Variants in SRC observed in about 807,000 individuals in gnomAD.
SRC encodes proto-oncogene tyrosine-protein kinase Src.
SRC carries 13 observed loss-of-function variants against 62.9 expected under a neutral mutation model. The observed-to-expected ratio is 0.21, with a 90% CI of 0.13 to 0.33. SRC has a LOEUF of 0.33. SRC is among the 10% of genes least tolerant of loss of function. The pLI is 1.00. For missense variants in SRC, 457 were observed against 737.3 expected (o/e 0.62, Z 4.40); for synonymous variants, 302 against 317.5 (o/e 0.95, Z 0.52).
rs1465111504 is a variant in SRC at position 37,367,255 on chromosome 20, A to T, written c.-173+1978A>T. 1.8e-4 allele frequency among the ~76,000 whole-genome samples: 26 copies of T among 141,414 alleles called. No homozygotes were observed. In the East Asian group the frequency reaches 2.0e-3, roughly 11 times the overall value. 92.8% of individuals were successfully genotyped at this position (141,414 alleles called of 152,430 possible). Reference sequence around the variant, plus strand: ...GCCTGGCTAATTTTTTTTTTTTTTTAAATTTGTGGAGATGGGGTCTCACCG... The same window carrying T: ...GCCTGGCTAATTTTTTTTTTTTTTTTAATTTGTGGAGATGGGGTCTCACCG... On this transcript the variant is annotated intron_variant, in intron 2 of 13. Coordinates refer to ENST00000373578, the MANE Select transcript of SRC (RefSeq NM_198291.3).
rs1600943625 is a variant in SRC, at chr20:37,346,484, G to C, written c.-247+229G>C. ...ATGCAGCGGGGGGAGGGGGCTGGGC[G>C]GGGGGGGCGCAGGGTTCCTGGCTGC... On this transcript the variant is annotated intron_variant, in intron 1 of 13. Coordinates refer to ENST00000373578, the MANE Select transcript of SRC (RefSeq NM_198291.3). 4.0e-5 allele frequency among the ~76,000 whole-genome samples: 6 copies of C among 151,130 alleles called. No individual in the cohort carries two copies. In the South Asian group the frequency reaches 1.3e-3, roughly 32 times the overall value.
In SRC at chr20:37,401,163, C is replaced by CT. The variant is rs111872140; in HGVS notation, c.1040-429dup. Reference sequence around the variant, plus strand: ...AGGTGCACAACATCCTGCCCAGCTACTTTTTTTTTTCGTATTTTTTGTACA... The same window carrying CT: ...AGGTGCACAACATCCTGCCCAGCTACTTTTTTTTTTTCGTATTTTTTGTACA... On this transcript the variant is annotated intron_variant, in intron 10 of 13. Transcript: ENST00000373578. 1.0e-3 allele frequency among the ~76,000 whole-genome samples: 154 copies of CT among 149,682 alleles called. 2 individuals carry two copies. The highest frequency in any genetic ancestry group is 8.3e-3 in the Admixed American group (125 of 14,990).
chr20:37,349,917 A>G (rs925672957), intron 1 of SRC, among the ~76,000 whole-genome samples: 3 of 152,164 alleles, frequency 2.0e-5, no homozygotes, highest in Non-Finnish European at 2.9e-5. Flanking sequence ...TCCGGTTGTA[A>G]GTACTAAGAC....
At chr20:37,368,803 G>A (rs1377647243) in intron 2 of SRC, among the ~76,000 whole-genome samples, 17 of 151,582 alleles carry the variant, frequency 1.1e-4, no homozygotes, top group Non-Finnish European at 7.4e-5. Flanking sequence ...CGCCCGCCTC[G>A]GCCTCCCAAA....
chr20:37,390,863 C>T (rs1370740609), intron 5 of SRC, among the ~76,000 whole-genome samples: 1 of 152,196 alleles, frequency 6.6e-6, no homozygotes, highest in East Asian at 1.9e-4. Context: ...CCCATTCCCT[C>T]AGACCCCTCT....
At chr20:37,345,251 G>C (rs2069701019), upstream of SRC, among the ~76,000 whole-genome samples, 1 of 152,144 alleles carries the variant, frequency 6.6e-6, no homozygotes, top group South Asian at 2.1e-4. Flanking sequence ...AGGGTGGGGT[G>C]CCCAGCCCCA....
chr20:37,375,800 T>C (rs1342438139), intron 2 of SRC, among the ~76,000 whole-genome samples: 3 of 152,198 alleles, frequency 2.0e-5, no homozygotes, highest in Non-Finnish European at 4.4e-5. Flanking sequence ...ACCATGAACA[T>C]TTATTTCTCA....
rs1346439961 is a variant in SRC, at chr20:37,384,831, GC to G, written c.250+431del. ...CGGGGCACCGGATGGCCCCGGTTGGGCCCGCGCCAGGATGCGCCCCTGCGCC... is the reference window on the plus strand; with the variant it reads ...CGGGGCACCGGATGGCCCCGGTTGGGCCGCGCCAGGATGCGCCCCTGCGCC... On this transcript the variant is annotated intron_variant, in intron 4 of 13. Coordinates refer to ENST00000373578, the MANE Select transcript of SRC (RefSeq NM_198291.3). This position sits in a 1 kb window ranked among gnomAD's most constrained non-coding sequence, Gnocchi z 6.7. 6.6e-6 allele frequency among the ~76,000 whole-genome samples: 1 copy of G among 152,202 alleles called. No individual in the cohort carries two copies. Among genetic ancestry groups the G allele is most frequent in the Non-Finnish European group, 1.5e-5 (1 of 68,028 alleles).
chr20:37,373,485 A>T (rs186214438), intron 2 of SRC, among the ~76,000 whole-genome samples: 226 of 147,436 alleles, frequency 1.5e-3, no homozygotes, highest in East Asian at 2.5e-3. Flanking sequence ...ACATATATAT[A>T]TTTTTTGTGG....
At chr20:37,357,893 C>T (rs1192019512) in intron 1 of SRC, among the ~76,000 whole-genome samples, 1 of 152,108 alleles carries the variant, frequency 6.6e-6, no homozygotes, top group Non-Finnish European at 1.5e-5. Context: ...GGCCCTGAGG[C>T]AGGAGTGTGC....
In SRC at chr20:37,405,989, G is replaced by A. The variant is rs1194819627; in HGVS notation, c.*2610G>A. ...CAAATATACATCAGATCACACACCT[G>A]TGCACCGGAGTCAACTCTGGCCACG... On this transcript the variant is annotated 3_prime_UTR_variant, in exon 14 of 14. Transcript: ENST00000373578. 1 of 152,208 alleles carries A rather than the reference G, an allele frequency of 6.6e-6. No homozygotes were observed. The highest frequency in any genetic ancestry group is 1.5e-5 in the Non-Finnish European group (1 of 68,046). 9.4% of individuals were successfully genotyped at this position (152,208 alleles called of 1,614,324 possible). A position where few individuals can be genotyped will look rare whatever the true frequency, so the allele number is the denominator to read the frequency against.
chr20:37,345,516 C>T (rs555069651), upstream of SRC, among the ~76,000 whole-genome samples: 9 of 152,260 alleles, frequency 5.9e-5, no homozygotes, highest in South Asian at 1.9e-3. Context: ...AAAATGAACC[C>T]GTAACTATTA....
intron 11 of SRC, chr20:37,401,898 A>C: frequency 2.2e-6 from 1 of 460,738 alleles, no homozygotes; most frequent in Non-Finnish European, 3.8e-6. Context: ...ATCAGGGGTC[A>C]CTGACTTACT....
Position 37,403,509 on chromosome 20 carries a change from C to T in SRC, c.*130C>T. ...TGGGGCTGAATTGCCAGGGGCGAGGCCCTTCCTCTTTGGTGGCATGGAAGG... is the reference window on the plus strand; with the variant it reads ...TGGGGCTGAATTGCCAGGGGCGAGGTCCTTCCTCTTTGGTGGCATGGAAGG... On this transcript the variant is annotated 3_prime_UTR_variant, in exon 14 of 14. Transcript: ENST00000373578. The surrounding 1 kb of genome is among the most constrained non-coding windows in gnomAD (Gnocchi z 7.1). 9.0e-7 allele frequency: 1 copy of T among 1,107,464 alleles called. No homozygotes were observed. Among genetic ancestry groups the T allele is most frequent in the Non-Finnish European group, 1.3e-6 (1 of 795,092 alleles). 68.6% of individuals were successfully genotyped at this position (1,107,464 alleles called of 1,614,324 possible).
chr20:37,365,082 AG>A (rs1265690087), intron 1 of SRC, 121 bp from the exon 2 acceptor site: 2 of 152,160 alleles, frequency 1.3e-5, no homozygotes, highest in Non-Finnish European at 2.9e-5. Context: ...AATGGCAAAC[AG>A]GGACTGTGCA....
At chr20:37,389,066 A>T (rs1179479895) in intron 5 of SRC, among the ~76,000 whole-genome samples, 1 of 151,980 alleles carries the variant, frequency 6.6e-6, no homozygotes, top group Non-Finnish European at 1.5e-5. Flanking sequence ...CCGTCTGTGG[A>T]TGGGGTCTGG....
chr20:37,402,355 C>T lies in SRC; in HGVS notation c.1117-80C>T. On this transcript the variant is annotated intron_variant, in intron 11 of 13. Coordinates refer to ENST00000373578, the MANE Select transcript of SRC (RefSeq NM_198291.3). The surrounding 1 kb of genome is among the most constrained non-coding windows in gnomAD (Gnocchi z 6.2). Reference sequence around the variant, plus strand: ...GGGAGGGTGGGGAAGGGGTGGTTGGCTCTCCAGCCCCAGAGTGCTCTGTGG... The same window carrying T: ...GGGAGGGTGGGGAAGGGGTGGTTGGTTCTCCAGCCCCAGAGTGCTCTGTGG... 6.5e-7 allele frequency: 1 copy of T among 1,542,658 alleles called. No homozygotes were observed.
chr20:37,356,169 C>T (rs2069878942), intron 1 of SRC, among the ~76,000 whole-genome samples: 1 of 152,054 alleles, frequency 6.6e-6, no homozygotes, highest in African/African-American at 2.4e-5. Context: ...GGAGGAGGTA[C>T]CCTGACTTAC....
In SRC at chr20:37,397,687, C is replaced by A; in HGVS notation, c.704-12C>A. 1 of 1,548,798 alleles carries A rather than the reference C, an allele frequency of 6.5e-7. No individual in the cohort carries two copies. Among genetic ancestry groups the A allele is most frequent in the South Asian group, 1.2e-5 (1 of 81,630 alleles). On this transcript the variant is annotated splice_polypyrimidine_tract_variant and intron_variant, in intron 8 of 13. Coordinates refer to ENST00000373578, the MANE Select transcript of SRC (RefSeq NM_198291.3). The surrounding 1 kb of genome is among the most constrained non-coding windows in gnomAD (Gnocchi z 4.1). The stretch of plus-strand genomic sequence containing the variant: ...AAGACCCGCCTAACTGCTCCTCCTG[C>A]CTCCTCCTCAGAACACGCCGATGGC...
Sources: allele counts gnomAD v4.1 joint callset (sites outside exome capture counted in the v4.1 genomes callset), GRCh38; gene constraint gnomAD v4.1.1; non-coding constraint Gnocchi (gnomAD v3.1); transcripts MANE v1.5; gene names NCBI Gene and HGNC (gene_info 2026-07-23, HGNC 2026-07-21).